The following PKNOX2 variants were observed in gnomAD, a reference collection of about 807,000 sequenced individuals.
PKNOX2 encodes homeobox protein PKNOX2.
PKNOX2 carries 14 observed loss-of-function variants against 53.1 expected under a neutral mutation model. The ratio of observed to expected loss-of-function variants is 0.26; its 90% CI spans 0.17 to 0.41. The LOEUF (loss-of-function observed/expected upper bound fraction) is 0.41. PKNOX2 is among the 10% of genes least tolerant of loss of function. The pLI, the probability that PKNOX2 is intolerant of heterozygous loss-of-function variation, is 1.00. For missense variants in PKNOX2, 496 were observed against 602.8 expected, an observed-to-expected ratio of 0.82 and a Z score of 1.85; for synonymous variants, 257 against 242.8, an observed-to-expected ratio of 1.06 and a Z score of -0.54.
At chr11:125,304,241 G>T (rs541056574) in intron 2 of PKNOX2, among the ~76,000 whole-genome samples, 2 of 152,238 alleles carry the variant, frequency 1.3e-5, no homozygotes. Context: ...GGCCCATCTC[G>T]CCCAGCTCTG....
At chr11:125,341,144 A>C (rs1404646002) in intron 3 of PKNOX2, among the ~76,000 whole-genome samples, 2 of 151,484 alleles carry the variant, frequency 1.3e-5, no homozygotes, top group East Asian at 3.9e-4. Context: ...GGCAGATCAC[A>C]TCAAGAGACC....
intron 1 of PKNOX2, among the ~76,000 whole-genome samples, chr11:125,180,033 G>A (rs1417812710): frequency 2.0e-5 from 3 of 152,066 alleles, no homozygotes; most frequent in Non-Finnish European, 4.4e-5. Context: ...CACGCACACG[G>A]GCCTTCTAGA....
At chr11:125,197,505 C>T (rs1465865999) in intron 1 of PKNOX2, among the ~76,000 whole-genome samples, 1 of 152,176 alleles carries the variant, frequency 6.6e-6, no homozygotes, top group Non-Finnish European at 1.5e-5. Context: ...CCAAGAGCTG[C>T]CTAAGAGAGG....
chr11:125,377,476 G>T lies in PKNOX2; in HGVS notation c.228-8075G>T, dbSNP rs533570189. On this transcript the variant is annotated intron_variant, in intron 5 of 12. Transcript: ENST00000298282. ...CAGGAGCAGGGAATTCAGGTGGAAG[G>T]AGCAGCAGGAAGAAAGTCATGGGCA... Among the ~76,000 whole-genome samples the T allele has an allele frequency of 1.1e-4, 16 of 152,304 alleles. No homozygotes were observed. In the South Asian group the frequency reaches 2.1e-3, roughly 20 times the overall value.
At chr11:125,214,031 T>C (rs1022103511) in intron 1 of PKNOX2, among the ~76,000 whole-genome samples, 2 of 152,056 alleles carry the variant, frequency 1.3e-5, no homozygotes, top group Admixed American at 1.3e-4. Context: ...AACCTGGAGA[T>C]GATATTATCT....
At chr11:125,282,800 A>G (rs1247894940) in intron 2 of PKNOX2, among the ~76,000 whole-genome samples, 1 of 152,252 alleles carries the variant, frequency 6.6e-6, no homozygotes, top group African/African-American at 2.4e-5. Context: ...CACTATTCAC[A>G]TGTAGCAATT....
intron 2 of PKNOX2, among the ~76,000 whole-genome samples, chr11:125,331,228 T>G (rs1171380790): frequency 6.6e-6 from 1 of 152,236 alleles, no homozygotes; most frequent in Non-Finnish European, 1.5e-5. Flanking sequence ...AAATAAGTCA[T>G]GCAGCCAAAG....
At chr11:125,308,859 G>C (rs562462536) in intron 2 of PKNOX2, among the ~76,000 whole-genome samples, 1 of 152,258 alleles carries the variant, frequency 6.6e-6, no homozygotes, top group South Asian at 2.1e-4. Flanking sequence ...CAGCACTCTC[G>C]CCTGCACAGT....
chr11:125,194,551 G>C (rs769309421), intron 1 of PKNOX2, among the ~76,000 whole-genome samples: 32 of 151,892 alleles, frequency 2.1e-4, no homozygotes, highest in Non-Finnish European at 3.2e-4. Context: ...CTGCCCCCGA[G>C]TTGGGATCAC....
chr11:125,376,445 G>A (rs1409100223), intron 5 of PKNOX2, among the ~76,000 whole-genome samples: 1 of 152,142 alleles, frequency 6.6e-6, no homozygotes, highest in Non-Finnish European at 1.5e-5. Flanking sequence ...GGCTGGACAA[G>A]CACCTTCCTC....
intron 3 of PKNOX2, among the ~76,000 whole-genome samples, chr11:125,346,168 C>T (rs1289131077): frequency 2.4e-5 from 3 of 126,390 alleles, no homozygotes; most frequent in Non-Finnish European, 4.6e-5. Flanking sequence ...GGCAGCTGCT[C>T]AGAGGGGACG....
intron 1 of PKNOX2, among the ~76,000 whole-genome samples, chr11:125,167,457 G>T (rs988628616): frequency 6.6e-6 from 1 of 152,170 alleles, no homozygotes; most frequent in Non-Finnish European, 1.5e-5. Context: ...GAGCCCGAGG[G>T]GGGAGGGAGC....
chr11:125,405,894 C>T (rs544153473), intron 7 of PKNOX2, among the ~76,000 whole-genome samples: 17 of 152,322 alleles, frequency 1.1e-4, no homozygotes, highest in East Asian at 7.7e-4. Flanking sequence ...GGGGACACCA[C>T]GGCTGTCTTC....
chr11:125,356,213 G>C (rs1951606200), intron 4 of PKNOX2, among the ~76,000 whole-genome samples: 1 of 152,224 alleles, frequency 6.6e-6, no homozygotes, highest in Non-Finnish European at 1.5e-5. Flanking sequence ...GGACTAGAAA[G>C]CAGAAATCCT....
chr11:125,274,821 G>A (rs1946048752), intron 2 of PKNOX2, among the ~76,000 whole-genome samples: 1 of 152,176 alleles, frequency 6.6e-6, no homozygotes, highest in Non-Finnish European at 1.5e-5. Flanking sequence ...GTCAGATCAG[G>A]GGCGGTAGGA....
In PKNOX2 at chr11:125,315,303, G is replaced by GAAAAAAAAAAAAAAAAAAAAAAAAAA. The variant is rs534448203; in HGVS notation, c.-129-16491_-129-16490insAAAAAAAAAAAAAAAAAAAAAAAAAA. Among the ~76,000 whole-genome samples the GAAAAAAAAAAAAAAAAAAAAAAAAAA allele has an allele frequency of 3.3e-4, 26 of 79,438 alleles. 1 individual carries two copies. Among genetic ancestry groups the GAAAAAAAAAAAAAAAAAAAAAAAAAA allele is most frequent in the Non-Finnish European group, 5.5e-4 (20 of 36,504 alleles). The allele number at this position is 79,438 out of a possible 152,430, so 52.1% of individuals were successfully genotyped here. A position where few individuals can be genotyped will look rare whatever the true frequency, so the allele number is the denominator to read the frequency against. The stretch of plus-strand genomic sequence containing the variant: ...ATTCACTTTACTGTTTGTGAAGCAG[G>GAAAAAAAAAAAAAAAAAAAAAAAAAA]AAAAAAAAAAAAAAAAAAAAAAAAA... On this transcript the variant is annotated intron_variant, in intron 2 of 12. Coordinates refer to ENST00000298282, the MANE Select transcript of PKNOX2 (RefSeq NM_001382323.2).
intron 1 of PKNOX2, among the ~76,000 whole-genome samples, chr11:125,203,121 G>A (rs995683891): frequency 6.6e-6 from 1 of 152,116 alleles, no homozygotes; most frequent in African/African-American, 2.4e-5. Context: ...TTCAGGCTAG[G>A]ACCTCACCTC....
At chr11:125,424,085 C>G (rs1414943389) in intron 10 of PKNOX2, among the ~76,000 whole-genome samples, 1 of 151,208 alleles carries the variant, frequency 6.6e-6, no homozygotes, top group African/African-American at 2.4e-5. Flanking sequence ...AAAGTGGTTA[C>G]TGCAAAAGTC....
chr11:125,222,780 TGTGTGTATGTGTGTGTGTGTGTGC>T lies in PKNOX2; in HGVS notation c.-200-12244_-200-12221del, dbSNP rs1031047288. Among the ~76,000 whole-genome samples, 17 of 151,448 alleles carry T rather than the reference TGTGTGTATGTGTGTGTGTGTGTGC, an allele frequency of 1.1e-4. No homozygotes were observed. In the East Asian group the frequency reaches 1.6e-3, roughly 14 times the overall value. On this transcript the variant is annotated intron_variant, in intron 1 of 12. Coordinates refer to ENST00000298282, the MANE Select transcript of PKNOX2 (RefSeq NM_001382323.2). ...GTGTATGTGTGTATGTGTGTGTGTA[TGTGTGTATGTGTGTGTGTGTGTGC>T]GTGTGTATGTGTGTGTGTGTTGCAT...
Sources: gnomAD v4.1 joint callset for allele counts (sites outside exome capture counted in the v4.1 genomes callset) on GRCh38, gnomAD v4.1.1 for gene constraint, MANE v1.5 for transcripts, NCBI Gene and HGNC (gene_info 2026-07-23, HGNC 2026-07-21) for gene names.